Variants in ARHGEF10 observed in about 807,000 individuals in gnomAD.
ARHGEF10 encodes the protein Rho guanine nucleotide exchange factor (GEF) 10.
Under a neutral mutation model 147.4 loss-of-function variants are expected in ARHGEF10, and 140 were observed. The ratio of observed to expected loss-of-function variants is 0.95; its 90% CI spans 0.83 to 1.09. The LOEUF is 1.09. Among genes scored for constraint, ARHGEF10 ranks in the 50% least tolerant of loss-of-function variants. The probability of loss-of-function intolerance (pLI) is 0.00; values close to 1 mark genes in which losing one functional copy is unlikely to be tolerated. For missense variants in ARHGEF10, 2,222 were observed against 1,752.7 expected, an observed-to-expected ratio of 1.27 and a Z score of -4.78; for synonymous variants, 902 against 695.8, an observed-to-expected ratio of 1.30 and a Z score of -4.67.
intron 17 of ARHGEF10, among the ~76,000 whole-genome samples, chr8:1,908,432 C>T (rs1401868566): frequency 6.6e-6 from 1 of 152,030 alleles, no homozygotes; most frequent in East Asian, 1.9e-4. Context: ...TGGGGTGTCA[C>T]TGTGTTAGCC....
rs994119662 is a variant in ARHGEF10, at chr8:1,925,138, T to G, written c.2489-145T>G. On this transcript the variant is annotated intron_variant, in intron 21 of 28. Transcript: ENST00000349830. ...CCTATGCTGTAAGAAGAGATTGTAC[T>G]GCTTTCCACAAGTAAAACATGGCGT... The G allele has an allele frequency of 1.5e-5, 15 of 1,007,978 alleles. No individual in the cohort carries two copies. In the African/African-American group the frequency reaches 2.2e-4, roughly 15 times the overall value. The allele number at this position is 1,007,978 out of a possible 1,614,324, so 62.4% of individuals were successfully genotyped here.
rs1360937093 is a variant in ARHGEF10 at position 1,956,957 on chromosome 8, G to A, written c.3729G>A (p.Leu1243=). 5 of 1,614,052 alleles carry A rather than the reference G, an allele frequency of 3.1e-6. No individual in the cohort carries two copies. Among genetic ancestry groups the A allele is most frequent in the Non-Finnish European group, 4.2e-6 (5 of 1,180,044 alleles). The stretch of plus-strand genomic sequence containing the variant: ...GTGACCCTGACGCAGCCATCTGGTT[G>A]GGAGATTCGCTGGGATCGATGACTC... The part of the protein sequence containing the change: ...SQGDPDAAIW[L]GDSLGSMTQK... Residue 1243 remains leucine (L), a synonymous_variant, in exon 29 of 29, where the codon TTG becomes TTA. Transcript: ENST00000349830.
rs1805062880 is a variant in ARHGEF10 at position 1,850,658 on chromosome 8, C to T, written c.37+7222C>T. Among the ~76,000 whole-genome samples the T allele has an allele frequency of 2.0e-5, 3 of 152,164 alleles. No homozygotes were observed. The South Asian group carries it at 6.2e-4, about 31-fold the overall frequency. On this transcript the variant is annotated intron_variant, in intron 2 of 28. Transcript: ENST00000349830. ...GTTTGGTGGCTTCTTCAAACCTGAG[C>T]ACACTCTTACCGTGTGACTTGCAGC...
intron 25 of ARHGEF10, among the ~76,000 whole-genome samples, chr8:1,931,494 G>C (rs1206310224): frequency 1.3e-5 from 2 of 152,210 alleles, no homozygotes; most frequent in African/African-American, 4.8e-5. Flanking sequence ...ATCTGTAACT[G>C]AGATCTGCTG....
At chr8:1,868,894 C>T (rs966781120) in intron 6 of ARHGEF10, among the ~76,000 whole-genome samples, 6 of 152,144 alleles carry the variant, frequency 3.9e-5, no homozygotes, top group African/African-American at 9.7e-5. Flanking sequence ...AACCATAAAA[C>T]TCCTTCCTAG....
In ARHGEF10 at chr8:1,824,023, G is replaced by C. The variant is rs1188730164; in HGVS notation, c.-138G>C. 1.0e-5 allele frequency: 1 copy of C among 96,862 alleles called. No homozygotes were observed. Among genetic ancestry groups the C allele is most frequent in the Non-Finnish European group, 2.2e-5 (1 of 44,476 alleles). 6.0% of individuals were successfully genotyped at this position (96,862 alleles called of 1,614,324 possible). A position where few individuals can be genotyped will look rare whatever the true frequency, so the allele number is the denominator to read the frequency against. On this transcript the variant is annotated 5_prime_UTR_variant, in exon 1 of 29. Transcript: ENST00000349830. ...ACGCGGGGGACGGCGGGGAACGGCG[G>C]GGGACGGCGGGGAACAGCGGGGGAC...
At position 1,903,936 on chromosome 8, in the gene ARHGEF10, GA is replaced by G. The variant is rs199744357; in HGVS notation, c.1821+495del. ...TAGTGAGAACCCATATCTAAAAAAA[GA>G]AAAAAAAAATAGCTGGGCACAGTGG... On this transcript the variant is annotated intron_variant, in intron 16 of 28. Coordinates refer to ENST00000349830, the MANE Select transcript of ARHGEF10 (RefSeq NM_014629.4). 8.8e-3 allele frequency: 1,647 copies of G among 187,850 alleles called. 10 individuals carry two copies. The highest frequency in any genetic ancestry group is 0.01 in the Non-Finnish European group (955 of 91,476). The allele number at this position is 187,850 out of a possible 1,614,324, so 11.6% of individuals were successfully genotyped here. A position where few individuals can be genotyped will look rare whatever the true frequency, so the allele number is the denominator to read the frequency against.
chr8:1,955,671 G>T (rs1249495229), intron 28 of ARHGEF10, among the ~76,000 whole-genome samples: 2 of 152,128 alleles, frequency 1.3e-5, no homozygotes, highest in Non-Finnish European at 2.9e-5. Context: ...CTCTGGATGG[G>T]TAGCTAGGTG....
intron 1 of ARHGEF10, among the ~76,000 whole-genome samples, chr8:1,832,816 G>GTAGAGA (rs1803264598): frequency 7.1e-5 from 4 of 56,458 alleles, no homozygotes; most frequent in Non-Finnish European, 1.3e-4. Context: ...AGAGACAGAG[G>GTAGAGA]CAGAGAGAGA....
At chr8:1,944,841 C>T (rs1174420673) in intron 26 of ARHGEF10, among the ~76,000 whole-genome samples, 5 of 152,218 alleles carry the variant, frequency 3.3e-5, no homozygotes, top group Non-Finnish European at 4.4e-5. Context: ...TCCAGGCAGC[C>T]CCTGAGGCCA....
At chr8:1,899,143 C>T (rs7004829) in intron 15 of ARHGEF10, among the ~76,000 whole-genome samples, 2,455 of 152,310 alleles carry the variant, frequency 0.016, 66 homozygotes, top group African/African-American at 0.055. Context: ...GCTGACGTGA[C>T]GTCTCACAGC....
chr8:1,936,348 C>G (rs1813603846), intron 26 of ARHGEF10, among the ~76,000 whole-genome samples: 1 of 152,124 alleles, frequency 6.6e-6, no homozygotes, highest in Admixed American at 6.5e-5. Flanking sequence ...AACCCCATCT[C>G]TACAAAAAAT....
At chr8:1,884,199 C>T (rs1044180177) in intron 10 of ARHGEF10, among the ~76,000 whole-genome samples, 3 of 152,216 alleles carry the variant, frequency 2.0e-5, no homozygotes, top group African/African-American at 7.2e-5. Context: ...CAAGACCATC[C>T]TGGCTAACAC....
chr8:1,947,071 T>G (rs922103182), intron 27 of ARHGEF10, among the ~76,000 whole-genome samples: 1 of 152,256 alleles, frequency 6.6e-6, no homozygotes, highest in Non-Finnish European at 1.5e-5. Flanking sequence ...GACCTTGTGT[T>G]TTCTTTGGAG....
intron 9 of ARHGEF10, among the ~76,000 whole-genome samples, chr8:1,880,451 G>T (rs554357290): frequency 6.6e-6 from 1 of 152,296 alleles, no homozygotes; most frequent in South Asian, 2.1e-4. Flanking sequence ...TTCCAGAAAC[G>T]CACAATGCCA....
At chr8:1,846,690 C>A (rs1804588632) in intron 2 of ARHGEF10, among the ~76,000 whole-genome samples, 1 of 152,148 alleles carries the variant, frequency 6.6e-6, no homozygotes, top group African/African-American at 2.4e-5. Flanking sequence ...GATTCTCCTG[C>A]CTCAGTCTCC....
chr8:1,882,754 G>A lies in ARHGEF10; in HGVS notation c.1075+5G>A, dbSNP rs1275167797. ...CCAAGTCTCTCATCGCACAGGGTCC[G>A]TGCCTGCAGGTCTTCTTGCGGGGAG... On this transcript the variant is annotated splice_donor_5th_base_variant and intron_variant, in intron 10 of 28. Coordinates refer to ENST00000349830, the MANE Select transcript of ARHGEF10 (RefSeq NM_014629.4). 5.2e-6 allele frequency: 8 copies of A among 1,546,734 alleles called. No individual in the cohort carries two copies. Among genetic ancestry groups the A allele is most frequent in the East Asian group, 2.5e-5 (1 of 40,430 alleles).
At chr8:1,934,915 T>G (rs920492286) in intron 26 of ARHGEF10, among the ~76,000 whole-genome samples, 1 of 152,200 alleles carries the variant, frequency 6.6e-6, no homozygotes, top group East Asian at 1.9e-4. Context: ...AATTCCTGTA[T>G]ATATGACTAA....
At chr8:1,955,499 CTG>C (rs1285864684) in intron 28 of ARHGEF10, among the ~76,000 whole-genome samples, 1 of 148,310 alleles carries the variant, frequency 6.7e-6, no homozygotes, top group Admixed American at 6.7e-5. Flanking sequence ...TGCACTCTCA[CTG>C]TTTCTCTGGA....
Sources: gnomAD v4.1 joint callset for allele counts (sites outside exome capture counted in the v4.1 genomes callset) on GRCh38, gnomAD v4.1.1 for gene constraint, MANE v1.5 for transcripts, NCBI Gene and HGNC (gene_info 2026-07-23, HGNC 2026-07-21) for gene names.